DENND5B: variants seen among roughly 807,000 people sequenced by gnomAD.
The protein encoded by DENND5B is DENN domain-containing protein 5B.
DENND5B carries 34 observed loss-of-function variants against 140.6 expected under a neutral mutation model. That is an observed-to-expected ratio of 0.24 (90% CI 0.18 to 0.32). DENND5B has a LOEUF of 0.32. Ranked by LOEUF, DENND5B falls within the 10% of genes least tolerant of loss-of-function variation. The pLI, the probability that DENND5B is intolerant of heterozygous loss-of-function variation, is 1.00. For missense variants in DENND5B, 1,142 were observed against 1,560.2 expected (o/e 0.73, Z 4.52); for synonymous variants, 551 against 562.1 (o/e 0.98, Z 0.28).
At chr12:31,529,162 CAAAAAAA>C (rs57966147) in intron 1 of DENND5B, among the ~76,000 whole-genome samples, 1 of 113,240 alleles carries the variant, frequency 8.8e-6, no homozygotes, top group Non-Finnish European at 1.8e-5. Flanking sequence ...AACTCTGTCT[CAAAAAAA>C]AAAAAAAAAG....
At chr12:31,548,511 G>A (rs1017146176) in intron 1 of DENND5B, among the ~76,000 whole-genome samples, 2 of 152,014 alleles carry the variant, frequency 1.3e-5, no homozygotes, top group African/African-American at 2.4e-5. Context: ...TTAAAAACTT[G>A]ACTACATCAC....
chr12:31,582,887 T>C, intron 1 of DENND5B, among the ~76,000 whole-genome samples: 1 of 152,166 alleles, frequency 6.6e-6, no homozygotes, highest in Middle Eastern at 3.2e-3. Flanking sequence ...TGGGTATGGA[T>C]GTTATGGGTA....
intron 1 of DENND5B, among the ~76,000 whole-genome samples, chr12:31,505,842 G>T (rs1377838354): frequency 1.3e-5 from 2 of 151,666 alleles, no homozygotes; most frequent in Non-Finnish European, 2.9e-5. Flanking sequence ...TTAATTAATT[G>T]TTTTTTTGAG....
At chr12:31,399,961 T>C (rs1056373510) in intron 15 of DENND5B, among the ~76,000 whole-genome samples, 189 bp from the exon 16 acceptor site, 6 of 152,094 alleles carry the variant, frequency 3.9e-5, no homozygotes, top group Non-Finnish European at 7.4e-5. Flanking sequence ...CATAATGAGA[T>C]AGGAGACATA....
intron 13 of DENND5B, among the ~76,000 whole-genome samples, chr12:31,412,769 C>A (rs1942531811): frequency 6.6e-6 from 1 of 152,124 alleles, no homozygotes; most frequent in Non-Finnish European, 1.5e-5. Context: ...TCTTTTTTTA[C>A]TCCAGGTTTT....
rs140642461 is a variant in DENND5B at position 31,514,377 on chromosome 12, C to T, written c.128-18458G>A. Among the ~76,000 whole-genome samples, 212 of 152,216 alleles carry T rather than the reference C, an allele frequency of 1.4e-3. 1 individual carries two copies. The highest frequency in any genetic ancestry group is 3.4e-4 in the Non-Finnish European group (23 of 68,016). On this transcript the variant is annotated intron_variant, in intron 1 of 20. Coordinates refer to ENST00000389082, the MANE Select transcript of DENND5B (RefSeq NM_144973.4). ...TGATTTTCTCAGAATGTATCCTCATCGTTAGGCATATGAGAATAAACGAAT... is the reference window on the plus strand; with the variant it reads ...TGATTTTCTCAGAATGTATCCTCATTGTTAGGCATATGAGAATAAACGAAT...
At chr12:31,425,108 T>C (rs528134503) in intron 9 of DENND5B, among the ~76,000 whole-genome samples, 9 of 152,096 alleles carry the variant, frequency 5.9e-5, no homozygotes, top group African/African-American at 2.2e-4. Context: ...GGGTCAGGAG[T>C]TCGAGACCAG....
chr12:31,541,165 A>AAT (rs1163815199), intron 1 of DENND5B: 5 of 277,810 alleles, frequency 1.8e-5, no homozygotes, highest in Non-Finnish European at 2.9e-5. Flanking sequence ...TTTCTTGAGT[A>AAT]ATACCCCACA....
In DENND5B at chr12:31,479,530, C is replaced by T. The variant is rs1591880218; in HGVS notation, c.904+59G>A. On this transcript the variant is annotated intron_variant, in intron 3 of 20. Coordinates refer to ENST00000389082, the MANE Select transcript of DENND5B (RefSeq NM_144973.4). ...TCTAATAATATACCCCATGGAAACA[C>T]AGTAGTTGGGAGCAAAAGTACTTGT... 6.4e-6 allele frequency: 9 copies of T among 1,397,736 alleles called. No homozygotes were observed. In the African/African-American group the frequency reaches 1.2e-4, roughly 18 times the overall value. The allele number at this position is 1,397,736 out of a possible 1,614,324, so 86.6% of individuals were successfully genotyped here.
intron 3 of DENND5B, among the ~76,000 whole-genome samples, chr12:31,468,475 C>A (rs984817908): frequency 1.3e-5 from 2 of 151,768 alleles, no homozygotes; most frequent in East Asian, 1.9e-4. Context: ...AACAAAGGTA[C>A]AACAGAAGAT....
intron 1 of DENND5B, among the ~76,000 whole-genome samples, chr12:31,519,206 C>A (rs926226924): frequency 1.3e-5 from 2 of 152,182 alleles, no homozygotes; most frequent in African/African-American, 4.8e-5. Context: ...ATGTTACTAA[C>A]TTCAGATGGT....
chr12:31,549,110 C>T (rs1006940854), intron 1 of DENND5B, among the ~76,000 whole-genome samples: 2 of 152,150 alleles, frequency 1.3e-5, no homozygotes, highest in African/African-American at 2.4e-5. Flanking sequence ...TTGTTGTACA[C>T]GCTGTTTCTG....
chr12:31,476,092 C>CTCCA (rs1945794033), intron 3 of DENND5B, among the ~76,000 whole-genome samples: 3 of 151,038 alleles, frequency 2.0e-5, no homozygotes, highest in East Asian at 2.0e-4. Context: ...CGCCACTGCA[C>CTCCA]TCCAGCCTGG....
chr12:31,571,906 G>A (rs561141589), intron 1 of DENND5B, among the ~76,000 whole-genome samples: 1 of 152,178 alleles, frequency 6.6e-6, no homozygotes, highest in South Asian at 2.1e-4. Flanking sequence ...ACCGTACCCA[G>A]CCAAAAGCTA....
intron 14 of DENND5B, among the ~76,000 whole-genome samples, chr12:31,408,624 CAAAAAAAAAAAAAAAAA>C (rs33965275): frequency 2.8e-5 from 2 of 71,962 alleles, no homozygotes; most frequent in Non-Finnish European, 4.8e-5. Flanking sequence ...GAGACTCTAT[CAAAAAAAAAAAAAAAAA>C]AAAAAAAAAA....
At chr12:31,514,926 T>C (rs1341824591) in intron 1 of DENND5B, among the ~76,000 whole-genome samples, 1 of 152,142 alleles carries the variant, frequency 6.6e-6, no homozygotes, top group Non-Finnish European at 1.5e-5. Flanking sequence ...TGGACCAGCC[T>C]GGGCAACATA....
At chr12:31,477,139 A>T (rs1945852598) in intron 3 of DENND5B, among the ~76,000 whole-genome samples, 1 of 151,888 alleles carries the variant, frequency 6.6e-6, no homozygotes, top group Admixed American at 6.6e-5. Flanking sequence ...GAGGCAGGAG[A>T]ATTGTTTGAA....
chr12:31,490,625 A>T (rs982519383), intron 2 of DENND5B, among the ~76,000 whole-genome samples: 7 of 151,244 alleles, frequency 4.6e-5, no homozygotes, highest in African/African-American at 1.2e-4. Context: ...AAAAAAAAAA[A>T]TTTTATTGTG....
intron 1 of DENND5B, among the ~76,000 whole-genome samples, chr12:31,540,449 T>C (rs1425115403): frequency 1.3e-5 from 2 of 151,894 alleles, no homozygotes; most frequent in East Asian, 3.9e-4. Flanking sequence ...AGGCCAAGAG[T>C]TCCAGACCAG....
Sources: gnomAD v4.1 joint callset for allele counts (sites outside exome capture counted in the v4.1 genomes callset) on GRCh38, gnomAD v4.1.1 for gene constraint, MANE v1.5 for transcripts, NCBI Gene and HGNC (gene_info 2026-07-23, HGNC 2026-07-21) for gene names.